Variants in CEP162 observed in about 807,000 individuals in gnomAD.
CEP162 encodes the protein centrosomal protein of 162 kDa.
Under a neutral mutation model 169.2 loss-of-function variants are expected in CEP162, and 141 were observed. The observed-to-expected ratio is 0.83, with a 90% CI of 0.73 to 0.96. The LOEUF (loss-of-function observed/expected upper bound fraction) is 0.96, where lower values mean the gene tolerates loss of function less well. CEP162 is among the 40% of genes least tolerant of loss of function. The pLI is 0.00. For missense variants in CEP162, 1,600 were observed against 1,587.2 expected, an observed-to-expected ratio of 1.01 and a Z score of -0.14; for synonymous variants, 540 against 526.4, an observed-to-expected ratio of 1.03 and a Z score of -0.35.
intron 5 of CEP162, among the ~76,000 whole-genome samples, chr6:84,214,539 C>T (rs1166826369): frequency 6.6e-6 from 1 of 152,078 alleles, no homozygotes; most frequent in African/African-American, 2.4e-5. Flanking sequence ...TCTCAGACCC[C>T]GCAAAGTTCA....
intron 23 of CEP162, among the ~76,000 whole-genome samples, chr6:84,152,250 A>G (rs1236101106): frequency 1.3e-5 from 2 of 152,202 alleles, no homozygotes; most frequent in East Asian, 1.9e-4. Context: ...AGAAGAGCCC[A>G]AAGAGTCAGC....
chr6:84,139,883 A>G (rs1354187164), intron 25 of CEP162, among the ~76,000 whole-genome samples: 1 of 144,692 alleles, frequency 6.9e-6, no homozygotes, highest in East Asian at 1.9e-4. Flanking sequence ...ATCACAGGAC[A>G]GAACACAGAC....
At position 84,125,529 on chromosome 6, in the gene CEP162, A is replaced by C. The variant is rs533921626; in HGVS notation, c.4006-253T>G. On this transcript the variant is annotated intron_variant, in intron 26 of 26. Transcript: ENST00000403245. ...CCTTAATGTGACTGTATGTGGAGTA[A>C]GGAAATAATGAATGTTAAATGAGAT... Among the ~76,000 whole-genome samples the C allele has an allele frequency of 8.5e-5, 13 of 152,270 alleles. No homozygotes were observed. The East Asian group carries it at 2.5e-3, about 29-fold the overall frequency.
intron 7 of CEP162, among the ~76,000 whole-genome samples, chr6:84,202,364 T>C (rs2099544870): frequency 1.3e-5 from 2 of 152,092 alleles, no homozygotes; most frequent in Non-Finnish European, 2.9e-5. Context: ...TAACAGAGCT[T>C]TAATCCCTTC....
chr6:84,213,689 C>T (rs912768146), intron 5 of CEP162, among the ~76,000 whole-genome samples: 10 of 152,278 alleles, frequency 6.6e-5, no homozygotes, highest in African/African-American at 2.4e-4. Flanking sequence ...CAATGCTATT[C>T]TGTACTTTGA....
At chr6:84,214,257 C>A (rs144773679) in intron 5 of CEP162, among the ~76,000 whole-genome samples, 1 of 152,146 alleles carries the variant, frequency 6.6e-6, no homozygotes, top group Non-Finnish European at 1.5e-5. Flanking sequence ...CCAGCCTGGG[C>A]GACAGAGCGA....
chr6:84,223,165 C>T (rs978099082), intron 2 of CEP162, among the ~76,000 whole-genome samples: 2 of 152,204 alleles, frequency 1.3e-5, no homozygotes, highest in African/African-American at 2.4e-5. Context: ...TGCTTCCCAG[C>T]ACTTTCATTA....
At chr6:84,218,329 G>A (rs1331866922) in intron 3 of CEP162, among the ~76,000 whole-genome samples, 2 of 152,168 alleles carry the variant, frequency 1.3e-5, no homozygotes, top group African/African-American at 4.8e-5. Flanking sequence ...AAGCCTAAGA[G>A]GAAATAAGCC....
intron 21 of CEP162, among the ~76,000 whole-genome samples, chr6:84,157,127 A>G (rs758759498): frequency 6.6e-6 from 1 of 152,206 alleles, no homozygotes; most frequent in African/African-American, 2.4e-5. Context: ...TAAAACAGTA[A>G]AATTTTTGAA....
In CEP162 at chr6:84,153,190, G is replaced by C; in HGVS notation, c.2995-11C>G. 9 of 1,584,726 alleles carry C rather than the reference G, an allele frequency of 5.7e-6. No individual in the cohort carries two copies. The highest frequency in any genetic ancestry group is 7.7e-6 in the Non-Finnish European group (9 of 1,169,514). On this transcript the variant is annotated splice_polypyrimidine_tract_variant and intron_variant, in intron 22 of 26. Transcript: ENST00000403245. ...TTGTTCATACTGAATCTGAAGGAAA[G>C]AATCCATGTAATGCCAAACACCTGT... is the stretch of plus-strand genomic sequence containing the variant.
At chr6:84,135,688 C>A (rs931146670) in intron 25 of CEP162, among the ~76,000 whole-genome samples, 3 of 152,130 alleles carry the variant, frequency 2.0e-5, no homozygotes, top group Non-Finnish European at 4.4e-5. Flanking sequence ...CATGGTGAAA[C>A]TCCATCTCTA....
intron 5 of CEP162, among the ~76,000 whole-genome samples, chr6:84,214,852 C>T (rs1045655621): frequency 3.9e-5 from 6 of 152,108 alleles, no homozygotes; most frequent in African/African-American, 1.2e-4. Context: ...TGAGGTTTCC[C>T]GATAACCATC....
At chr6:84,226,210 A>G in intron 2 of CEP162, 127 bp downstream of exon 2, 1 of 643,938 alleles carries the variant, frequency 1.6e-6, no homozygotes, top group Non-Finnish European at 2.7e-6. Flanking sequence ...GAAAAGGGAC[A>G]GGGCTAGAGG....
intron 13 of CEP162, among the ~76,000 whole-genome samples, chr6:84,179,026 T>C (rs1053029837): frequency 9.8e-5 from 15 of 152,336 alleles, no homozygotes; most frequent in East Asian, 1.9e-4. Flanking sequence ...TTCCATGGTG[T>C]ATATGTGCCA....
rs532081351 is a variant in CEP162 at position 84,211,163 on chromosome 6, A to C, written c.571+1794T>G. ...TTAAGGACTTGAAAAAAATGAACAT[A>C]ATGAAGAAAAATGCTAAAGAATTTT... is the stretch of plus-strand genomic sequence containing the variant. On this transcript the variant is annotated intron_variant, in intron 6 of 26. Transcript: ENST00000403245. Among the ~76,000 whole-genome samples, 227 of 152,280 alleles carry C rather than the reference A, an allele frequency of 1.5e-3. 15 individuals are homozygous for C. The South Asian group carries it at 0.045, about 30-fold the overall frequency.
chr6:84,184,266 T>C (rs968816058), intron 13 of CEP162, among the ~76,000 whole-genome samples: 3 of 152,148 alleles, frequency 2.0e-5, no homozygotes, highest in Non-Finnish European at 4.4e-5. Flanking sequence ...ATTTATTTCA[T>C]AAAAACAAAG....
chr6:84,174,044 A>G lies in CEP162; in HGVS notation c.2166+4T>C, dbSNP rs770810632. 3.0e-5 allele frequency: 49 copies of G among 1,606,944 alleles called. No homozygotes were observed. The highest frequency in any genetic ancestry group is 1.7e-4 in the Middle Eastern group (1 of 6,038). On this transcript the variant is annotated splice_donor_region_variant and intron_variant, in intron 16 of 26. Transcript: ENST00000403245. ...ATTTGCCATATGTTGAAGAATTGCC[A>G]TACCTGTTGATATCCTTGAAGAAGT...
rs1404941553 is a variant in CEP162 at position 84,124,324 on chromosome 6, C to T, written c.*746G>A. On this transcript the variant is annotated 3_prime_UTR_variant, in exon 27 of 27. Transcript: ENST00000403245. ...TGGAACCAACCTAAGTATCTACCAA[C>T]AATTGACTGGATAAAGAAAACGTGA... 1 of 151,744 alleles carries T rather than the reference C, an allele frequency of 6.6e-6. No homozygotes were observed. The highest frequency in any genetic ancestry group is 2.4e-5 in the African/African-American group (1 of 41,304). 9.4% of individuals were successfully genotyped at this position (151,744 alleles called of 1,614,324 possible). A position where few individuals can be genotyped will look rare whatever the true frequency, so the allele number is the denominator to read the frequency against.
At chr6:84,171,278 T>C (rs1190000903) in intron 17 of CEP162, among the ~76,000 whole-genome samples, 2 of 152,208 alleles carry the variant, frequency 1.3e-5, no homozygotes, top group East Asian at 1.9e-4. Flanking sequence ...AAATGGTTCC[T>C]TGGGAAATGG....
Sources: gnomAD v4.1 joint callset for allele counts (sites outside exome capture counted in the v4.1 genomes callset) on GRCh38, gnomAD v4.1.1 for gene constraint, MANE v1.5 for transcripts, NCBI Gene and HGNC (gene_info 2026-07-23, HGNC 2026-07-21) for gene names.